Variants in ARHGAP39 observed in about 807,000 individuals in gnomAD.
ARHGAP39 encodes the protein rho GTPase-activating protein 39.
In ARHGAP39, 44 loss-of-function variants were observed where a neutral mutation model predicts 106.9. That is an observed-to-expected ratio of 0.41 (90% CI 0.32 to 0.53). The LOEUF is 0.53. Ranked by LOEUF, ARHGAP39 falls within the 20% of genes least tolerant of loss-of-function variation. The pLI is 0.21. For missense variants in ARHGAP39, 1,496 were observed against 1,577.3 expected, an observed-to-expected ratio of 0.95 and a Z score of 0.87; for synonymous variants, 768 against 693.2, an observed-to-expected ratio of 1.11 and a Z score of -1.69.
chr8:144,610,085 A>T (rs926293379), intron 1 of ARHGAP39, among the ~76,000 whole-genome samples: 2 of 152,254 alleles, frequency 1.3e-5, no homozygotes, highest in Non-Finnish European at 2.9e-5. Context: ...CCCATTTCAT[A>T]TAAAATTAAT....
At chr8:144,658,876 G>T (rs1318707860) in intron 1 of ARHGAP39, among the ~76,000 whole-genome samples, 2 of 151,880 alleles carry the variant, frequency 1.3e-5, no homozygotes, top group Admixed American at 1.3e-4. Flanking sequence ...TTAATATTGG[G>T]GTAAATATTA....
At chr8:144,638,437 A>G (rs1012630693) in intron 1 of ARHGAP39, among the ~76,000 whole-genome samples, 1 of 152,178 alleles carries the variant, frequency 6.6e-6, no homozygotes, top group African/African-American at 2.4e-5. Context: ...CTCTTCAAAT[A>G]CTGCCTCTTC....
chr8:144,547,452 C>A lies in ARHGAP39; in HGVS notation c.1634G>T (p.Gly545Val). Reference protein sequence around the residue: ...PVKRAEGEAEGARGAAEPFLA... With the variant: ...PVKRAEGEAEVARGAAEPFLA... ...GAAGGGCTCGGCCGCGCCCCGCGCC[C>A]CTTCGGCCTCACCTTCCGCTCGCTT... Residue 545 changes from glycine (G) to valine (V), a missense_variant, in exon 5 of 12, where the codon GGG becomes GTG. Gly to Val is a moderately radical substitution (Grantham distance 109). Around this residue, in one of 4 missense-constraint regions of ARHGAP39, gnomAD observed 905 missense variants for 816.4 expected, o/e 1.11. Coordinates refer to ENST00000377307, the MANE Select transcript of ARHGAP39 (RefSeq NM_025251.3). This position sits in a 1 kb window ranked among gnomAD's most constrained non-coding sequence, Gnocchi z 5.2. 6.4e-7 allele frequency: 1 copy of A among 1,565,498 alleles called. No homozygotes were observed. The highest frequency in any genetic ancestry group is 8.6e-7 in the Non-Finnish European group (1 of 1,162,470).
chr8:144,674,264 C>T (rs1010490490), intron 1 of ARHGAP39, among the ~76,000 whole-genome samples: 4 of 152,100 alleles, frequency 2.6e-5, no homozygotes, highest in African/African-American at 4.8e-5. Flanking sequence ...GGAGAGTGAG[C>T]GAGGTGGAGA....
In ARHGAP39 at chr8:144,581,048, C is replaced by A; in HGVS notation, c.310G>T (p.Ala104Ser). 6.3e-7 allele frequency: 1 copy of A among 1,583,722 alleles called. No homozygotes were observed. Among genetic ancestry groups the A allele is most frequent in the Admixed American group, 1.8e-5 (1 of 54,822 alleles). The change falls in exon 3 of 12, where the codon GCC becomes TCC. Residue 104 changes from alanine (A) to serine (S), a missense_variant. Transcript: ENST00000377307. ...TTCTGCTTCAGCGTCTGCAGCTTGG[C>A]CAGCGGGATGATGTCGCAGCCCTGC... ...RPQGCDIIPL[A>S]KLQTLKQNTE...
Position 144,530,379 on chromosome 8 carries a change from G to A in ARHGAP39, c.*43C>T. The stretch of plus-strand genomic sequence containing the variant: ...GAGAGCGAGTGCGGAGTTCGGCCTG[G>A]CTGGGGGCGGCAGGACATCCCTCCT... On this transcript the variant is annotated 3_prime_UTR_variant, in exon 12 of 12. Coordinates refer to ENST00000377307, the MANE Select transcript of ARHGAP39 (RefSeq NM_025251.3). The A allele has an allele frequency of 1.9e-6, 3 of 1,545,746 alleles. No homozygotes were observed. Among genetic ancestry groups the A allele is most frequent in the Non-Finnish European group, 1.8e-6 (2 of 1,140,066 alleles).
At chr8:144,624,510 G>A (rs558290768) in intron 1 of ARHGAP39, among the ~76,000 whole-genome samples, 4 of 152,362 alleles carry the variant, frequency 2.6e-5, no homozygotes, top group African/African-American at 9.6e-5. Context: ...CCGCACATCT[G>A]CACCGACACG....
chr8:144,696,882 C>A, the ARHGAP39 span, among the ~76,000 whole-genome samples: 1 of 152,186 alleles, frequency 6.6e-6, no homozygotes, highest in African/African-American at 2.4e-5. Context: ...GATTTGAATG[C>A]TCTAGGTACT....
At chr8:144,619,349 G>A (rs548301567) in intron 1 of ARHGAP39, among the ~76,000 whole-genome samples, 73 of 152,366 alleles carry the variant, frequency 4.8e-4, no homozygotes, top group African/African-American at 1.6e-3. Context: ...GGGCCGGCAC[G>A]CAGCATGCAT....
At chr8:144,637,484 C>T (rs1003689464) in intron 1 of ARHGAP39, among the ~76,000 whole-genome samples, 2 of 152,094 alleles carry the variant, frequency 1.3e-5, no homozygotes. Context: ...GTGGCGGGTG[C>T]CTGTAATCCC....
At chr8:144,663,252 A>T (rs36047210) in intron 1 of ARHGAP39, among the ~76,000 whole-genome samples, 6,298 of 151,800 alleles carry the variant, frequency 0.041, 377 homozygotes, top group African/African-American at 0.13. Flanking sequence ...TTTATTTTTT[A>T]AAAAAAAGGT....
chr8:144,609,848 T>C (rs1393162303), intron 1 of ARHGAP39, among the ~76,000 whole-genome samples: 1 of 152,206 alleles, frequency 6.6e-6, no homozygotes, highest in East Asian at 1.9e-4. Flanking sequence ...CATAACAAAA[T>C]GAGAAGTATT....
chr8:144,588,469 T>G (rs964270471), intron 2 of ARHGAP39, among the ~76,000 whole-genome samples: 1 of 152,082 alleles, frequency 6.6e-6, no homozygotes, highest in African/African-American at 2.4e-5. Context: ...TATGGGGAGG[T>G]GGCCCTAAGC....
At chr8:144,532,500 G>T in intron 9 of ARHGAP39, 104 bp from the exon 10 acceptor site, 2 of 1,056,870 alleles carry the variant, frequency 1.9e-6, no homozygotes, top group Non-Finnish European at 1.4e-6. Flanking sequence ...CCGGGGAGGG[G>T]AGCAAAACCT....
intron 1 of ARHGAP39, among the ~76,000 whole-genome samples, chr8:144,620,669 G>T (rs977506466): frequency 6.6e-6 from 1 of 152,254 alleles, no homozygotes; most frequent in East Asian, 1.9e-4. Context: ...TGCATCCCTT[G>T]CAAGAGTGAT....
intron 1 of ARHGAP39, among the ~76,000 whole-genome samples, chr8:144,665,757 G>A (rs1174792694): frequency 2.0e-5 from 3 of 152,220 alleles, no homozygotes; most frequent in Non-Finnish European, 2.9e-5. Flanking sequence ...GTATGGAAAC[G>A]CCTGGATGCC....
chr8:144,551,474 C>T (rs11994801), intron 4 of ARHGAP39, among the ~76,000 whole-genome samples: 4,052 of 152,292 alleles, frequency 0.027, 181 homozygotes, highest in African/African-American at 0.093. Context: ...CTGTGCTGGG[C>T]ACCCGAGTCA....
At chr8:144,538,795 T>A (rs1357946602) in intron 6 of ARHGAP39, among the ~76,000 whole-genome samples, 1 of 152,068 alleles carries the variant, frequency 6.6e-6, no homozygotes, top group Non-Finnish European at 1.5e-5. Flanking sequence ...GGTCTTGAAC[T>A]CTTGACCTCA....
intron 2 of ARHGAP39, among the ~76,000 whole-genome samples, chr8:144,581,553 C>G (rs1818992656): frequency 6.6e-6 from 1 of 152,234 alleles, no homozygotes; most frequent in African/African-American, 2.4e-5. Flanking sequence ...GTTGCAGGCT[C>G]CTGTCCTCAC....
Sources: allele counts gnomAD v4.1 joint callset (sites outside exome capture counted in the v4.1 genomes callset), GRCh38; gene constraint gnomAD v4.1.1; regional missense constraint gnomAD v4.1.1; non-coding constraint Gnocchi (gnomAD v3.1); transcripts MANE v1.5; gene names NCBI Gene and HGNC (gene_info 2026-07-23, HGNC 2026-07-21).